Variants in HYDIN observed in about 807,000 individuals in gnomAD.
The protein encoded by HYDIN is axonemal central pair apparatus protein HYDIN.
Under a neutral mutation model 403.9 loss-of-function variants are expected in HYDIN, and 132 were observed. That is an observed-to-expected ratio of 0.33 (90% CI 0.28 to 0.38). The LOEUF (loss-of-function observed/expected upper bound fraction) is 0.38, where lower values mean the gene tolerates loss of function less well. HYDIN is among the 10% of genes least tolerant of loss of function. The probability of loss-of-function intolerance (pLI) is 1.00; values close to 1 mark genes in which losing one functional copy is unlikely to be tolerated. For missense variants in HYDIN, 2,827 were observed against 5,009.5 expected, an observed-to-expected ratio of 0.56 and a Z score of 13.15; for synonymous variants, 1,202 against 1,891.7, an observed-to-expected ratio of 0.64 and a Z score of 9.46.
rs929845111 is a variant in HYDIN at position 70,804,075 on chromosome 16, T to C, written c.*3505A>G. Among the ~76,000 whole-genome samples the C allele has an allele frequency of 3.3e-5, 5 of 152,238 alleles. No individual in the cohort carries two copies. The highest frequency in any genetic ancestry group is 7.3e-5 in the Non-Finnish European group (5 of 68,038). ...TTAAGCTACTTTGCCATTCCAAATT[T>C]GCTAATATAAGACTATTTTGTTATT... On this transcript the variant is annotated 3_prime_UTR_variant, in exon 86 of 86. Coordinates refer to ENST00000393567, the MANE Select transcript of HYDIN (RefSeq NM_001270974.2).
At chr16:70,979,668 C>T (rs1199045405) in intron 29 of HYDIN, among the ~76,000 whole-genome samples, 1 of 152,108 alleles carries the variant, frequency 6.6e-6, no homozygotes, top group East Asian at 1.9e-4. Flanking sequence ...TGGTGGCTCA[C>T]GCCTGTAATC....
At chr16:71,152,888 C>T in intron 6 of HYDIN, 105 bp from the exon 7 acceptor site, 2 of 756,754 alleles carry the variant, frequency 2.6e-6, no homozygotes, top group Non-Finnish European at 4.3e-6. Flanking sequence ...TCAGACCCAG[C>T]ACTGCAATTT....
chr16:70,949,420 G>C lies in HYDIN; in HGVS notation c.6531+3001C>G, dbSNP rs182604957. On this transcript the variant is annotated intron_variant, in intron 41 of 85. Transcript: ENST00000393567. Reference sequence around the variant, plus strand: ...ACATGTATACATATGTAACTAACCTGCACATTGTGCACATGTACCCTAAAA... The same window carrying C: ...ACATGTATACATATGTAACTAACCTCCACATTGTGCACATGTACCCTAAAA... 3.4e-3 allele frequency among the ~76,000 whole-genome samples: 520 copies of C among 151,756 alleles called. 13 individuals are homozygous for C. The highest frequency in any genetic ancestry group is 0.032 in the Admixed American group (483 of 15,230).
intron 71 of HYDIN, among the ~76,000 whole-genome samples, chr16:70,858,986 TA>T (rs1294639999): frequency 6.6e-6 from 1 of 150,884 alleles, no homozygotes; most frequent in African/African-American, 2.4e-5. Flanking sequence ...TACCAGCATG[TA>T]AAATAGGGCT....
chr16:70,978,241 C>G (rs2144006948), intron 30 of HYDIN, among the ~76,000 whole-genome samples: 1 of 151,650 alleles, frequency 6.6e-6, no homozygotes. Flanking sequence ...TGCCCATATC[C>G]AATCAATCCC....
Position 71,002,679 on chromosome 16 carries a change from AT to A in HYDIN, c.3645-10470del, listed in dbSNP as rs11427002. 7.5e-3 allele frequency among the ~76,000 whole-genome samples: 981 copies of A among 130,558 alleles called. 6 individuals are homozygous for A. The highest frequency in any genetic ancestry group is 0.021 in the South Asian group (93 of 4,360). 85.7% of individuals were successfully genotyped at this position (130,558 alleles called of 152,430 possible). ...TGTATCTTTAACCCATTTGGAATTAATTTTTTTTTTTTTTTTGAGATAGAGT... is the reference window on the plus strand; with the variant it reads ...TGTATCTTTAACCCATTTGGAATTAATTTTTTTTTTTTTTTGAGATAGAGT... On this transcript the variant is annotated intron_variant, in intron 23 of 85. Coordinates refer to ENST00000393567, the MANE Select transcript of HYDIN (RefSeq NM_001270974.2).
intron 73 of HYDIN, among the ~76,000 whole-genome samples, chr16:70,853,863 A>G (rs2038832014): frequency 6.8e-6 from 1 of 146,288 alleles, no homozygotes; most frequent in Non-Finnish European, 1.5e-5. Flanking sequence ...GTACAGAGTT[A>G]TCTTTGTCTT....
At chr16:70,896,125 G>A (rs756582608) in intron 53 of HYDIN, 45 bp from the exon 54 acceptor site, 22 of 1,607,866 alleles carry the variant, frequency 1.4e-5, no homozygotes, top group Middle Eastern at 3.3e-4. Flanking sequence ...AGACCTATAG[G>A]TGCTTGGAGC....
intron 1 of HYDIN, among the ~76,000 whole-genome samples, chr16:71,208,620 A>AT (rs1209442288): frequency 6.6e-6 from 1 of 152,124 alleles, no homozygotes; most frequent in African/African-American, 2.4e-5. Flanking sequence ...CCAGAGGTTT[A>AT]TTTTTTGAAA....
intron 14 of HYDIN, among the ~76,000 whole-genome samples, chr16:71,067,896 T>C (rs1038526648): frequency 3.3e-5 from 5 of 152,052 alleles, no homozygotes; most frequent in African/African-American, 1.2e-4. Flanking sequence ...CCACATTCTT[T>C]ATTACAGCAG....
chr16:71,173,209 T>C (rs1451232895), intron 5 of HYDIN, among the ~76,000 whole-genome samples: 1 of 152,234 alleles, frequency 6.6e-6, no homozygotes, highest in Admixed American at 6.5e-5. Flanking sequence ...GTAAACATTA[T>C]CCTCACTATG....
Position 70,938,613 on chromosome 16 carries a change from C to A in HYDIN, c.6995+1G>T. The A allele has an allele frequency of 6.3e-7, 1 of 1,586,806 alleles. No homozygotes were observed. Among genetic ancestry groups the A allele is most frequent in the Non-Finnish European group, 8.6e-7 (1 of 1,160,646 alleles). Reference sequence around the variant, plus strand: ...TGCTCTGGCCAGCCCTTGGCCCTGACCTCTTCTTCCGCTCGCGGAGCGCCT... The same window carrying A: ...TGCTCTGGCCAGCCCTTGGCCCTGAACTCTTCTTCCGCTCGCGGAGCGCCT... On this transcript the variant is annotated splice_donor_variant, in intron 44 of 85. Coordinates refer to ENST00000393567, the MANE Select transcript of HYDIN (RefSeq NM_001270974.2). LOFTEE classifies it high-confidence loss of function.
At chr16:71,197,394 A>G (rs2087751124) in intron 1 of HYDIN, among the ~76,000 whole-genome samples, 2 of 152,186 alleles carry the variant, frequency 1.3e-5, no homozygotes, top group South Asian at 4.1e-4. Context: ...TTTGACCTTG[A>G]CTCTGCATAT....
intron 14 of HYDIN, among the ~76,000 whole-genome samples, chr16:71,068,692 G>A (rs1326039520): frequency 6.6e-6 from 1 of 152,176 alleles, no homozygotes; most frequent in African/African-American, 2.4e-5. Context: ...CCAAGGCAAA[G>A]CACTATCCTG....
chr16:71,158,327 A>T (rs183186799), intron 6 of HYDIN, among the ~76,000 whole-genome samples: 1 of 152,352 alleles, frequency 6.6e-6, no homozygotes, highest in Non-Finnish European at 1.5e-5. Context: ...CCAGTCCCTG[A>T]GTTGCCTCCC....
intron 45 of HYDIN, among the ~76,000 whole-genome samples, chr16:70,922,801 T>TC (rs1162670250): frequency 6.6e-6 from 1 of 150,922 alleles, no homozygotes; most frequent in African/African-American, 2.4e-5. Context: ...TTTTTTTTTT[T>TC]TTTTTAGACA....
chr16:71,139,077 T>A (rs2085056655), intron 7 of HYDIN, among the ~76,000 whole-genome samples: 1 of 119,936 alleles, frequency 8.3e-6, no homozygotes, highest in African/African-American at 3.7e-5. Flanking sequence ...AGAGCAAAAC[T>A]CTGTCTCAAA....
chr16:71,174,042 T>C (rs955024907), intron 5 of HYDIN, among the ~76,000 whole-genome samples: 23 of 152,130 alleles, frequency 1.5e-4, no homozygotes, highest in African/African-American at 2.4e-5. Flanking sequence ...TATTCAGATA[T>C]AGAGCCTCCA....
intron 5 of HYDIN, among the ~76,000 whole-genome samples, chr16:71,173,812 T>A (rs188371124): frequency 6.6e-6 from 1 of 152,246 alleles, no homozygotes; most frequent in Non-Finnish European, 1.5e-5. Flanking sequence ...GTCTTGTGTA[T>A]CCCTTTTTCA....
Sources: allele counts gnomAD v4.1 joint callset (sites outside exome capture counted in the v4.1 genomes callset), GRCh38; gene constraint gnomAD v4.1.1; transcripts MANE v1.5; gene names NCBI Gene and HGNC (gene_info 2026-07-23, HGNC 2026-07-21).